Variants in NUP210L observed in about 807,000 individuals in gnomAD.
NUP210L encodes nucleoporin 210 like.
NUP210L carries 74 observed loss-of-function variants against 208.5 expected under a neutral mutation model. That is an observed-to-expected ratio of 0.35 (90% CI 0.29 to 0.43). NUP210L has a LOEUF of 0.43. NUP210L is among the 20% of genes least tolerant of loss of function. The pLI, the probability that NUP210L is intolerant of heterozygous loss-of-function variation, is 1.00. For missense variants in NUP210L, 1,843 were observed against 2,289.4 expected (o/e 0.81, Z 3.98); for synonymous variants, 780 against 816.9 (o/e 0.95, Z 0.77).
chr1:154,142,151 C>T (rs1384899654), intron 3 of NUP210L, among the ~76,000 whole-genome samples: 1 of 98,506 alleles, frequency 1.0e-5, no homozygotes, highest in Non-Finnish European at 2.1e-5. Context: ...ACTCTGTATC[C>T]AAAAAAAAAA....
intron 37 of NUP210L, among the ~76,000 whole-genome samples, chr1:153,996,240 C>T (rs1204910880): frequency 6.6e-6 from 1 of 151,840 alleles, no homozygotes; most frequent in Non-Finnish European, 1.5e-5. Context: ...AGCAGTGAAC[C>T]GAGATCTCTC....
intron 20 of NUP210L, 36 bp downstream of exon 20, chr1:154,060,504 T>G: frequency 6.5e-5 from 86 of 1,316,060 alleles, no homozygotes; most frequent in Non-Finnish European, 8.4e-5. Context: ...AGCTTTGGCC[T>G]GAGACCATCA....
intron 2 of NUP210L, among the ~76,000 whole-genome samples, chr1:154,148,147 A>G (rs531079937): frequency 6.6e-6 from 1 of 151,200 alleles, no homozygotes. Flanking sequence ...CGTGCCTGTA[A>G]TCCCAGCTAC....
At chr1:154,030,786 C>G (rs1435983731) in intron 27 of NUP210L, among the ~76,000 whole-genome samples, 2 of 151,618 alleles carry the variant, frequency 1.3e-5, no homozygotes, top group African/African-American at 4.8e-5. Flanking sequence ...GGCTGGAGTG[C>G]AGTGGTGAAA....
At chr1:154,002,429 C>G (rs905475344) in intron 35 of NUP210L, among the ~76,000 whole-genome samples, 1 of 151,786 alleles carries the variant, frequency 6.6e-6, no homozygotes, top group African/African-American at 2.4e-5. Flanking sequence ...GTCAAGAGTT[C>G]GAGACCAGCC....
At chr1:154,007,372 C>T (rs879819518) in intron 35 of NUP210L, among the ~76,000 whole-genome samples, 3 of 151,874 alleles carry the variant, frequency 2.0e-5, no homozygotes, top group Non-Finnish European at 4.4e-5. Context: ...AAGTGATTCT[C>T]CTGCCTCAGC....
intron 17 of NUP210L, among the ~76,000 whole-genome samples, chr1:154,067,659 CTGTT>C (rs1426721071): frequency 6.6e-6 from 1 of 152,190 alleles, no homozygotes; most frequent in African/African-American, 2.4e-5. Flanking sequence ...CAAATTGTCA[CTGTT>C]TGCAGATGAC....
At chr1:154,125,681 GGA>G (rs1557994803) in intron 10 of NUP210L, among the ~76,000 whole-genome samples, 4 of 6,616 alleles carry the variant, frequency 6.0e-4, no homozygotes, top group African/African-American at 1.3e-3. Context: ...AAGGAAGGAA[GGA>G]AGGAAGGAAG....
intron 29 of NUP210L, 88 bp downstream of exon 29, chr1:154,027,418 A>G: frequency 1.1e-6 from 1 of 907,140 alleles, no homozygotes; most frequent in Non-Finnish European, 1.7e-6. Context: ...AATCTCCTAG[A>G]AGGCAAAAGT....
intron 8 of NUP210L, 94 bp from the exon 9 acceptor site, chr1:154,127,511 G>C: frequency 4.7e-6 from 2 of 424,972 alleles, no homozygotes; most frequent in Non-Finnish European, 8.3e-6. Context: ...TGTTCAAACA[G>C]CAAAATTTAC....
chr1:154,137,185 G>A (rs987850866), intron 6 of NUP210L, among the ~76,000 whole-genome samples: 1 of 152,072 alleles, frequency 6.6e-6, no homozygotes, highest in Non-Finnish European at 1.5e-5. Flanking sequence ...TTGGGAGGGA[G>A]GCCAAGGTGG....
intron 27 of NUP210L, among the ~76,000 whole-genome samples, chr1:154,035,312 CT>C (rs1189065706): frequency 6.6e-6 from 1 of 151,408 alleles, no homozygotes; most frequent in Non-Finnish European, 1.5e-5. Context: ...TTTATTATTT[CT>C]TTTCCTCTAC....
intron 12 of NUP210L, among the ~76,000 whole-genome samples, chr1:154,109,077 GCAA>G (rs1656915012): frequency 6.6e-6 from 1 of 151,650 alleles, no homozygotes. Context: ...TCCAGCCTGG[GCAA>G]CAAGAGTGAA....
intron 30 of NUP210L, among the ~76,000 whole-genome samples, chr1:154,025,069 C>T (rs1454317932): frequency 6.6e-6 from 1 of 151,626 alleles, no homozygotes; most frequent in Admixed American, 6.6e-5. Flanking sequence ...GCTGGGACTA[C>T]AGGCGCCCGC....
At chr1:154,154,849 A>G (rs1659618083) in exon 1 of NUP210L, 1 of 1,613,484 alleles carries the variant, frequency 6.2e-7, no homozygotes, top group Non-Finnish European at 8.5e-7. Flanking sequence ...CACCAAGTGT[A>G]GCAGCCCCGC....
intron 7 of NUP210L, among the ~76,000 whole-genome samples, chr1:154,130,332 G>C (rs1283447024): frequency 6.6e-6 from 1 of 151,708 alleles, no homozygotes; most frequent in East Asian, 2.0e-4. Flanking sequence ...GAGTGCAACA[G>C]CATGATCTTG....
exon 5 of NUP210L, chr1:154,139,905 G>C: frequency 6.2e-7 from 1 of 1,610,660 alleles, no homozygotes. Context: ...TTCCATCTCA[G>C]CTATATATAT....
At position 154,001,762 on chromosome 1, in the gene NUP210L, T is replaced by TC; in HGVS notation, c.5153dup (p.Val1719SerfsTer6). On this transcript the variant is annotated frameshift_variant, in exon 36 of 40. Transcript: ENST00000368559. LOFTEE classifies it high-confidence loss of function. ...CTAGCTTCCTAAGAACTCTGTCCAC[T>TC]CCCAGTACTCTTATCTCCCCGATAT... 1 of 1,614,140 alleles carries TC rather than the reference T, an allele frequency of 6.2e-7. No individual in the cohort carries two copies. Among genetic ancestry groups the TC allele is most frequent in the Non-Finnish European group, 8.5e-7 (1 of 1,179,972 alleles).
chr1:154,012,987 C>T (rs1651019676), intron 33 of NUP210L, among the ~76,000 whole-genome samples: 1 of 103,822 alleles, frequency 9.6e-6, no homozygotes. Context: ...GCCTGGGCAA[C>T]AAGAGTGAAA....
Sources: gnomAD v4.1 joint callset for allele counts (sites outside exome capture counted in the v4.1 genomes callset) on GRCh38, gnomAD v4.1.1 for gene constraint, MANE v1.5 for transcripts, NCBI Gene and HGNC (gene_info 2026-07-23, HGNC 2026-07-21) for gene names.